Variants in PCDHA5 observed in about 807,000 individuals in gnomAD.
PCDHA5 encodes the protein protocadherin alpha 5, also known as protocadherin alpha-5.
A neutral mutation model predicts 61.6 loss-of-function variants in PCDHA5; 43 were observed. The observed-to-expected ratio is 0.70, with a 90% CI of 0.55 to 0.90. PCDHA5 has a LOEUF of 0.90. Ranked by LOEUF, PCDHA5 falls within the 40% of genes least tolerant of loss-of-function variation. The probability of loss-of-function intolerance (pLI) is 0.00; values close to 1 mark genes in which losing one functional copy is unlikely to be tolerated. For synonymous variants in PCDHA5, 627 were observed against 543.9 expected (o/e 1.15, Z -2.13); for missense variants, 1,298 against 1,222.7 (o/e 1.06, Z -0.92).
In PCDHA5 at chr5:140,835,249, T is replaced by TA. The variant is rs2150232715; in HGVS notation, c.2352+11126dup. ...TTCTCCAGTGATGTTTCTCCAGATA[T>TA]AAAATCCAAGTTCCACATGGACCCC... On this transcript the variant is annotated intron_variant, in intron 1 of 3. Transcript: ENST00000529859. 20 of 1,605,414 alleles carry TA rather than the reference T, an allele frequency of 1.2e-5. No homozygotes were observed. The South Asian group carries it at 1.7e-4, about 13-fold the overall frequency.
chr5:140,862,714 G>C, intron 1 of PCDHA5: 1 of 562,754 alleles, frequency 1.8e-6, no homozygotes, highest in South Asian at 1.4e-5. Flanking sequence ...GCGGGTGGGC[G>C]AGTGCGCGCT....
At chr5:140,880,521 A>G (rs1166001900) in intron 1 of PCDHA5, among the ~76,000 whole-genome samples, 1 of 152,260 alleles carries the variant, frequency 6.6e-6, no homozygotes, top group Non-Finnish European at 1.5e-5. Context: ...ACATCTCTCA[A>G]TGTGTGAATC....
In PCDHA5 at chr5:140,852,913, C is replaced by T. The variant is rs1049603873; in HGVS notation, c.2352+28786C>T. ...TTTTTTTTTGAGTCAGAGTCTCGCTCTGTTGCCCAGGCTGGAGTGCAGTGG... is the reference window on the plus strand; with the variant it reads ...TTTTTTTTTGAGTCAGAGTCTCGCTTTGTTGCCCAGGCTGGAGTGCAGTGG... On this transcript the variant is annotated intron_variant, in intron 1 of 3. Coordinates refer to ENST00000529859, the MANE Select transcript of PCDHA5 (RefSeq NM_018908.3). 2.0e-4 allele frequency: 157 copies of T among 789,674 alleles called. 4 individuals are homozygous for T. The highest frequency in any genetic ancestry group is 2.4e-4 in the Non-Finnish European group (154 of 638,000). 48.9% of individuals were successfully genotyped at this position (789,674 alleles called of 1,614,324 possible). A position where few individuals can be genotyped will look rare whatever the true frequency, so the allele number is the denominator to read the frequency against.
chr5:140,869,504 C>A (rs959374162), intron 1 of PCDHA5: 5 of 1,614,200 alleles, frequency 3.1e-6, no homozygotes, highest in Non-Finnish European at 4.2e-6. Flanking sequence ...CCGGTGTTCT[C>A]GCTCAGAGAA....
intron 1 of PCDHA5, among the ~76,000 whole-genome samples, chr5:140,957,571 G>A (rs2095367794): frequency 6.6e-6 from 1 of 152,068 alleles, no homozygotes; most frequent in African/African-American, 2.4e-5. Flanking sequence ...AGGGACTACT[G>A]TACTTTTAAC....
chr5:140,989,373 C>G (rs1189877807), intron 3 of PCDHA5, among the ~76,000 whole-genome samples: 1 of 152,088 alleles, frequency 6.6e-6, no homozygotes, highest in Non-Finnish European at 1.5e-5. Flanking sequence ...TGACTGAGAG[C>G]TTTGTGGGAA....
At chr5:140,841,238 G>A in intron 1 of PCDHA5, 8 of 1,482,530 alleles carry the variant, frequency 5.4e-6, no homozygotes, top group Non-Finnish European at 7.2e-6. Flanking sequence ...GAGATGCAGC[G>A]GAATTGGATT....
intron 1 of PCDHA5, chr5:140,861,480 T>C (rs2046942458): frequency 4.1e-6 from 2 of 490,608 alleles, no homozygotes; most frequent in African/African-American, 2.0e-5. Flanking sequence ...GAATGGCATT[T>C]TTGTGAGTTC....
rs549755742 is a variant in PCDHA5 at position 140,943,684 on chromosome 5, T to C, written c.2353-35265T>C. ...ATGTATAAAGTGTGAAAAAAAGGGA[T>C]AAGGTCAAAATATTGTGGAACACAT... On this transcript the variant is annotated intron_variant, in intron 1 of 3. Transcript: ENST00000529859. Among the ~76,000 whole-genome samples, 254 of 152,102 alleles carry C rather than the reference T, an allele frequency of 1.7e-3. 2 individuals carry two copies. The highest frequency in any genetic ancestry group is 2.9e-4 in the Non-Finnish European group (20 of 67,984).
At position 140,822,688 on chromosome 5, in the gene PCDHA5, G is replaced by A. The variant is rs2150118559; in HGVS notation, c.913G>A (p.Gly305Arg). 2.5e-6 allele frequency: 4 copies of A among 1,609,140 alleles called. No homozygotes were observed. The highest frequency in any genetic ancestry group is 1.7e-5 in the Admixed American group (1 of 59,880). Residue 305 changes from glycine (G) to arginine (R), a missense_variant, in exon 1 of 4, where the codon GGG (glycine) becomes AGG (arginine). Transcript: ENST00000529859. Reference protein sequence around the residue: ...NSNTGEIKVNGELDYEDYNSY... With the variant: ...NSNTGEIKVNRELDYEDYNSY... ...TAATACTGGTGAAATAAAAGTTAAC[G>A]GGGAACTGGATTATGAAGACTATAA...
intron 1 of PCDHA5, chr5:140,848,897 A>T (rs1554142535): frequency 6.2e-7 from 1 of 1,605,658 alleles, no homozygotes. Context: ...CAGTGTTCCC[A>T]GCGACACAAA....
chr5:140,968,782 C>T (rs1256152245), intron 1 of PCDHA5: 43 of 1,614,072 alleles, frequency 2.7e-5, no homozygotes, highest in African/African-American at 8.0e-5. Flanking sequence ...CACTATCAGC[C>T]TCTGTGGCCA....
Position 140,857,323 on chromosome 5 carries a change from C to A in PCDHA5, c.2352+33196C>A, listed in dbSNP as rs782769711. 1.5e-5 allele frequency: 24 copies of A among 1,598,498 alleles called. 1 individual carries two copies. The East Asian group carries it at 5.1e-4, about 34-fold the overall frequency. On this transcript the variant is annotated intron_variant, in intron 1 of 3. Transcript: ENST00000529859. ...TGTCGGCCTATGAGCTGGTGGTGAC[C>A]GCGCGGGACGGGGGCTCGCCTCCGC...
intron 1 of PCDHA5, among the ~76,000 whole-genome samples, chr5:140,873,769 T>G (rs1554166882): frequency 6.6e-6 from 1 of 151,412 alleles, no homozygotes; most frequent in Non-Finnish European, 1.5e-5. Flanking sequence ...CAAGCAATTC[T>G]CCTGCCTCAG....
intron 1 of PCDHA5, among the ~76,000 whole-genome samples, chr5:140,947,550 G>A (rs967081376): frequency 7.3e-5 from 11 of 151,402 alleles, no homozygotes; most frequent in Admixed American, 3.9e-4. Flanking sequence ...AAAGAATTCC[G>A]CTGGGATTTA....
intron 1 of PCDHA5, chr5:140,883,347 G>A (rs782384832): frequency 3.7e-6 from 6 of 1,614,046 alleles, no homozygotes; most frequent in African/African-American, 1.3e-5. Flanking sequence ...CTCCCCATCA[G>A]AGAAGACACT....
chr5:140,870,521 T>A (rs782364094), intron 1 of PCDHA5: 2 of 1,614,078 alleles, frequency 1.2e-6, no homozygotes, highest in Non-Finnish European at 8.5e-7. Flanking sequence ...GGCTGCCACA[T>A]CTTCACAGTG....
At chr5:140,898,062 T>G (rs2066502065) in intron 1 of PCDHA5, among the ~76,000 whole-genome samples, 1 of 152,110 alleles carries the variant, frequency 6.6e-6, no homozygotes, top group African/African-American at 2.4e-5. Flanking sequence ...TAAATTTGTT[T>G]GAGTTCATTG....
chr5:140,848,925 G>T lies in PCDHA5; in HGVS notation c.2352+24798G>T, dbSNP rs2150425144. ...GACACAAAAGAATCTGTTCATCGCGGAATCCAGGCCGCTTGACTCTCGGTT... is the reference window on the plus strand; with the variant it reads ...GACACAAAAGAATCTGTTCATCGCGTAATCCAGGCCGCTTGACTCTCGGTT... On this transcript the variant is annotated intron_variant, in intron 1 of 3. Transcript: ENST00000529859. 12 of 1,607,696 alleles carry T rather than the reference G, an allele frequency of 7.5e-6. 1 individual carries two copies. The highest frequency in any genetic ancestry group is 1.0e-5 in the Non-Finnish European group (12 of 1,176,962).
Sources: allele counts gnomAD v4.1 joint callset (sites outside exome capture counted in the v4.1 genomes callset), GRCh38; gene constraint gnomAD v4.1.1; transcripts MANE v1.5; gene names NCBI Gene and HGNC (gene_info 2026-07-23, HGNC 2026-07-21).